SASH1: variants seen among roughly 807,000 people sequenced by gnomAD.
The protein encoded by SASH1 is SAM and SH3 domain-containing protein 1.
In SASH1, 44 loss-of-function variants were observed where a neutral mutation model predicts 125.2. That is an observed-to-expected ratio of 0.35 (90% CI 0.28 to 0.45). The LOEUF (loss-of-function observed/expected upper bound fraction) is 0.45, where lower values mean the gene tolerates loss of function less well. SASH1 is among the 20% of genes least tolerant of loss of function. SASH1 has a pLI of 1.00. For synonymous variants in SASH1, 639 were observed against 649.1 expected, an observed-to-expected ratio of 0.98 and a Z score of 0.24; for missense variants, 1,426 against 1,614.5, an observed-to-expected ratio of 0.88 and a Z score of 2.00.
At chr6:148,292,265 AT>A (rs921743533) in intron 1 of SASH1, among the ~76,000 whole-genome samples, 8 of 151,932 alleles carry the variant, frequency 5.3e-5, no homozygotes, top group African/African-American at 1.9e-4. Context: ...TATCCAATTC[AT>A]TTTTTTTAAG....
intron 4 of SASH1, among the ~76,000 whole-genome samples, chr6:148,454,949 C>G (rs1442320794): frequency 6.6e-6 from 1 of 152,170 alleles, no homozygotes; most frequent in Non-Finnish European, 1.5e-5. Flanking sequence ...CCAAATAAAA[C>G]CTTACAAGTC....
rs374961446 is a variant in SASH1 at position 148,387,629 on chromosome 6, T to G, written c.157-2505T>G. Among the ~76,000 whole-genome samples the G allele has an allele frequency of 1.3e-4, 10 of 74,332 alleles. 1 individual carries two copies. The highest frequency in any genetic ancestry group is 2.4e-4 in the Non-Finnish European group (9 of 37,786). 48.8% of individuals were successfully genotyped at this position (74,332 alleles called of 152,430 possible). ...CTTTCTTTCTTTCTTTCTTTCTTTC[T>G]TTCTTTCTTTCTTTCTTTCTTTCTT... On this transcript the variant is annotated intron_variant, in intron 1 of 19. Transcript: ENST00000367467.
intron 1 of SASH1, among the ~76,000 whole-genome samples, chr6:148,317,393 TAGG>T (rs1562321439): frequency 6.6e-6 from 1 of 152,192 alleles, no homozygotes; most frequent in Non-Finnish European, 1.5e-5. Flanking sequence ...TGTTATTATT[TAGG>T]AGGTTTGAGA....
intron 2 of SASH1, among the ~76,000 whole-genome samples, chr6:148,407,207 A>C (rs922127356): frequency 2.0e-5 from 3 of 152,186 alleles, no homozygotes; most frequent in Non-Finnish European, 4.4e-5. Context: ...TGCAAAGCTG[A>C]AACCCTGTGC....
chr6:148,529,910 G>A lies in SASH1; in HGVS notation c.1429-1616G>A, dbSNP rs190233485. 1.3e-4 allele frequency among the ~76,000 whole-genome samples: 20 copies of A among 151,954 alleles called. No homozygotes were observed. Among genetic ancestry groups the A allele is most frequent in the African/African-American group, 3.9e-4 (16 of 41,354 alleles). ...CAACCTCTGCCTCCTGGGTTCAAGC[G>A]ATTCTCCCACCTCAGCCTCTTGAGT... On this transcript the variant is annotated intron_variant, in intron 12 of 19. Coordinates refer to ENST00000367467, the MANE Select transcript of SASH1 (RefSeq NM_015278.5). The surrounding 1 kb of genome is among the most constrained non-coding windows in gnomAD (Gnocchi z 4.2).
chr6:148,359,527 C>T (rs1000149402), intron 1 of SASH1, among the ~76,000 whole-genome samples: 1 of 151,982 alleles, frequency 6.6e-6, no homozygotes, highest in Admixed American at 6.6e-5. Context: ...GTTTCTTGAG[C>T]TGGAAACTAC....
chr6:148,493,547 G>C (rs560342833), intron 8 of SASH1, among the ~76,000 whole-genome samples: 1 of 152,324 alleles, frequency 6.6e-6, no homozygotes, highest in Non-Finnish European at 1.5e-5. Flanking sequence ...GAAAGTTTTA[G>C]GGATCACAAG....
At chr6:148,307,814 A>C (rs892546352) in intron 1 of SASH1, among the ~76,000 whole-genome samples, 2 of 152,166 alleles carry the variant, frequency 1.3e-5, no homozygotes, top group Non-Finnish European at 2.9e-5. Context: ...TTAATTGGTC[A>C]CTTGGCTCAG....
rs1423502862 is a variant in SASH1, at chr6:148,549,649, CTT to C, written c.*1094_*1095del. The C allele has an allele frequency of 5.0e-6, 2 of 398,778 alleles. No individual in the cohort carries two copies. The highest frequency in any genetic ancestry group is 4.1e-5 in the African/African-American group (2 of 48,578). 24.7% of individuals were successfully genotyped at this position (398,778 alleles called of 1,614,324 possible). On this transcript the variant is annotated 3_prime_UTR_variant, in exon 20 of 20. Coordinates refer to ENST00000367467, the MANE Select transcript of SASH1 (RefSeq NM_015278.5). ...CATGTATAAGATGTTTTCTAAAAGACTTTTCAGTATTACAACTAATACTATTA... is the reference window on the plus strand; with the variant it reads ...CATGTATAAGATGTTTTCTAAAAGACTTCAGTATTACAACTAATACTATTA...
At chr6:148,473,786 C>G (rs1010623096) in intron 6 of SASH1, among the ~76,000 whole-genome samples, 10 of 152,160 alleles carry the variant, frequency 6.6e-5, no homozygotes, top group African/African-American at 1.7e-4. Context: ...GATCTTTACT[C>G]CACCTATAGC....
intron 2 of SASH1, among the ~76,000 whole-genome samples, chr6:148,413,745 C>T (rs1423008479): frequency 6.6e-6 from 1 of 152,030 alleles, no homozygotes; most frequent in Non-Finnish European, 1.5e-5. Flanking sequence ...GAGAATGAAC[C>T]ACCCTACCTT....
the SASH1 span, among the ~76,000 whole-genome samples, chr6:148,257,778 G>A: frequency 2.1e-4 from 32 of 151,946 alleles, no homozygotes; most frequent in African/African-American, 7.0e-4. Context: ...CTACAGGCAC[G>A]TGCCACCACG....
At chr6:148,397,090 C>A (rs1783987464) in intron 2 of SASH1, among the ~76,000 whole-genome samples, 1 of 152,050 alleles carries the variant, frequency 6.6e-6, no homozygotes. Flanking sequence ...ATACCGTGAA[C>A]GTCCTGTGCC....
intron 1 of SASH1, among the ~76,000 whole-genome samples, chr6:148,311,344 A>G (rs1305264142): frequency 6.6e-6 from 1 of 151,366 alleles, no homozygotes; most frequent in African/African-American, 2.4e-5. Context: ...TGACCTTGTG[A>G]TTCACCTGCC....
chr6:148,514,482 A>AAAAAAAAAAAAAAAAG, intron 9 of SASH1, 26 bp downstream of exon 9: 1 of 1,380,172 alleles, frequency 7.2e-7, no homozygotes, highest in South Asian at 1.4e-5. Context: ...AAAAAAAAAA[A>AAAAAAAAAAAAAAAAG]AAAAGGCAGA....
intron 1 of SASH1, among the ~76,000 whole-genome samples, chr6:148,333,645 T>C (rs1582977754): frequency 6.6e-6 from 1 of 152,160 alleles, no homozygotes; most frequent in East Asian, 1.9e-4. Flanking sequence ...CACCACAACC[T>C]CTGCCTGCCG....
chr6:148,400,059 A>G (rs186094115), intron 2 of SASH1, among the ~76,000 whole-genome samples: 28 of 152,398 alleles, frequency 1.8e-4, no homozygotes, highest in Admixed American at 3.3e-4. Context: ...CACTAGAGGC[A>G]GTATGATCTG....
At chr6:148,194,191 C>T in the SASH1 span, among the ~76,000 whole-genome samples, 1 of 152,150 alleles carries the variant, frequency 6.6e-6, no homozygotes, top group Non-Finnish European at 1.5e-5. Flanking sequence ...GTCTTGAATG[C>T]ATCAAAGAAT....
At chr6:148,245,508 T>C in the SASH1 span, among the ~76,000 whole-genome samples, 1 of 152,346 alleles carries the variant, frequency 6.6e-6, no homozygotes, top group South Asian at 2.1e-4. Context: ...AATTATCCCA[T>C]AGTAAATGCA....
Sources: gnomAD v4.1 joint callset for allele counts (sites outside exome capture counted in the v4.1 genomes callset) on GRCh38, gnomAD v4.1.1 for gene constraint, Gnocchi (gnomAD v3.1) non-coding constraint, MANE v1.5 for transcripts, NCBI Gene and HGNC (gene_info 2026-07-23, HGNC 2026-07-21) for gene names.